Variants in NOP53 observed in about 807,000 individuals in gnomAD.
The protein encoded by NOP53 is ribosome biogenesis protein NOP53.
A neutral mutation model predicts 61.0 loss-of-function variants in NOP53; 40 were observed. The ratio of observed to expected loss-of-function variants is 0.66; its 90% CI spans 0.51 to 0.85. The LOEUF is 0.85. Ranked by LOEUF, NOP53 falls within the 40% of genes least tolerant of loss-of-function variation. The pLI is 0.00. For synonymous variants in NOP53, 308 were observed against 289.5 expected (o/e 1.06, Z -0.65); for missense variants, 689 against 652.9 (o/e 1.06, Z -0.60).
intron 10 of NOP53, chr19:47,756,256 A>C: frequency 1.8e-6 from 1 of 560,612 alleles, no homozygotes; most frequent in Non-Finnish European, 3.2e-6. Flanking sequence ...TCTCCCTCTG[A>C]TCCAGCCTTT....
chr19:47,756,271 T>C (rs535869351), intron 10 of NOP53: 19 of 569,820 alleles, frequency 3.3e-5, no homozygotes, highest in Non-Finnish European at 5.3e-5. Context: ...GCCTTTGCCC[T>C]CGCTGTCCCC....
chr19:47,755,448 T>C lies in NOP53; in HGVS notation c.1154T>C (p.Leu385Pro). The C allele has an allele frequency of 6.6e-7, 1 of 1,518,664 alleles. No homozygotes were observed. The highest frequency in any genetic ancestry group is 2.5e-5 in the East Asian group (1 of 39,436). The allele number at this position is 1,518,664 out of a possible 1,614,324, so 94.1% of individuals were successfully genotyped here. A position where few individuals can be genotyped will look rare whatever the true frequency, so the allele number is the denominator to read the frequency against. Residue 385 changes from leucine (L) to proline (P), a missense_variant, in exon 9 of 13, where the codon CTG becomes CCG. Transcript: ENST00000246802. ...CAGGTGGCCCTGAGGCTGGCGGAGC[T>C]GGCGCGGCGGCAGAGGCGGCGGCAG... ...KAQVALRLAE[L>P]ARRQRRRQAR...
In NOP53 at chr19:47,754,232, A is replaced by G; in HGVS notation, c.766-295A>G. On this transcript the variant is annotated intron_variant, in intron 6 of 12. Transcript: ENST00000246802. The surrounding 1 kb of genome is among the most constrained non-coding windows in gnomAD (Gnocchi z 4.2). ...GCGGGGGTTGTGGTGAGCTGAGATCACACCATTGCACTCCAGTCTGGGCAA... is the reference window on the plus strand; with the variant it reads ...GCGGGGGTTGTGGTGAGCTGAGATCGCACCATTGCACTCCAGTCTGGGCAA... The G allele has an allele frequency of 2.7e-6, 1 of 370,552 alleles. No homozygotes were observed. Among genetic ancestry groups the G allele is most frequent in the Non-Finnish European group, 4.9e-6 (1 of 202,248 alleles). 23.0% of individuals were successfully genotyped at this position (370,552 alleles called of 1,614,324 possible).
At position 47,746,998 on chromosome 19, in the gene NOP53, CTCT is replaced by C. The variant is rs1568597569; in HGVS notation, c.262_264del (p.Phe88del). On this transcript the variant is annotated inframe_deletion, in exon 2 of 13. Coordinates refer to ENST00000246802, the MANE Select transcript of NOP53 (RefSeq NM_015710.5). Reference sequence around the variant, plus strand: ...GTTGTCAGAGGCCCCAAATGAAAAACTCTTCTTCGTGGACACTGGCTCCAAGGA... The same window carrying C: ...GTTGTCAGAGGCCCCAAATGAAAAACTCTTCGTGGACACTGGCTCCAAGGA... The C allele has an allele frequency of 6.2e-7, 1 of 1,613,888 alleles. No homozygotes were observed. Among genetic ancestry groups the C allele is most frequent in the South Asian group, 1.1e-5 (1 of 91,082 alleles).
rs11538670 is a variant in NOP53, at chr19:47,750,915, G to T, written c.406G>T (p.Ala136Ser). The T allele has an allele frequency of 2.5e-6, 4 of 1,587,956 alleles. No individual in the cohort carries two copies. The highest frequency in any genetic ancestry group is 3.6e-5 in the Admixed American group (2 of 55,490). ...SKVPAPKDVL[A>S]HQVPNAKKLR... ...CCCCCTCTCCCCGACCAGCGTCCTC[G>T]CCCACCAGGTCCCCAACGCCAAGAA... Residue 136 changes from alanine (A) to serine (S), a missense_variant, in exon 4 of 13, where the codon GCC becomes TCC. By Grantham distance (99) the Ala-to-Ser change is moderately conservative. Transcript: ENST00000246802.
Position 47,755,825 on chromosome 19 carries a change from G to A in NOP53, c.1296+3G>A, listed in dbSNP as rs1286367880. 3.1e-6 allele frequency: 5 copies of A among 1,605,904 alleles called. No individual in the cohort carries two copies. Among genetic ancestry groups the A allele is most frequent in the Middle Eastern group, 1.7e-4 (1 of 5,874 alleles). On this transcript the variant is annotated splice_donor_region_variant and intron_variant, in intron 10 of 12. Transcript: ENST00000246802. ...CAGACTCGCTCAGGACCCTGAAGGT[G>A]CTCACTGTGTCCTGCCGTGGAGCCC...
At chr19:47,752,713 T>TG (rs1967139967) in intron 6 of NOP53, 106 bp downstream of exon 6, 2 of 736,676 alleles carry the variant, frequency 2.7e-6, no homozygotes, top group Non-Finnish European at 2.4e-6. Context: ...CAGACAGCCC[T>TG]GGGCCTGTCC....
chr19:47,756,206 TG>T, intron 10 of NOP53: 1 of 520,820 alleles, frequency 1.9e-6, no homozygotes, highest in East Asian at 3.2e-5. Flanking sequence ...GACCCGGCCG[TG>T]GGGCTCCAGC....
chr19:47,753,543 C>G (rs180851131), intron 6 of NOP53: 4 of 152,042 alleles, frequency 2.6e-5, no homozygotes, highest in Non-Finnish European at 1.5e-5. Context: ...TTGTCCGAAT[C>G]GTTTTCAGCA....
In NOP53 at chr19:47,754,518, G is replaced by A. The variant is rs1172039551; in HGVS notation, c.766-9G>A. On this transcript the variant is annotated splice_polypyrimidine_tract_variant and intron_variant, in intron 6 of 12. Transcript: ENST00000246802. This position sits in a 1 kb window ranked among gnomAD's most constrained non-coding sequence, Gnocchi z 4.2. Reference sequence around the variant, plus strand: ...GGTTCAGGGACCCATCCTCACTCCCGCCCCTCAGACCCTGCTCTCAGCGGC... The same window carrying A: ...GGTTCAGGGACCCATCCTCACTCCCACCCCTCAGACCCTGCTCTCAGCGGC... The A allele has an allele frequency of 1.7e-5, 27 of 1,543,876 alleles. No homozygotes were observed. The highest frequency in any genetic ancestry group is 2.4e-5 in the East Asian group (1 of 40,918).
chr19:47,745,645 C>T lies in NOP53; in HGVS notation c.86C>T (p.Ser29Leu), dbSNP rs773442060. The T allele has an allele frequency of 3.7e-6, 6 of 1,613,852 alleles. No homozygotes were observed. In the East Asian group the frequency reaches 8.9e-5, roughly 24 times the overall value. ...GGTTTCCTGGGGCTGCGGCCCACTTCGGTGGACCCAGCGCTGAGGCGGCGG... is the reference window on the plus strand; with the variant it reads ...GGTTTCCTGGGGCTGCGGCCCACTTTGGTGGACCCAGCGCTGAGGCGGCGG... ...DSGFLGLRPTSVDPALRRRRR... is the reference protein window; with the variant it reads ...DSGFLGLRPTLVDPALRRRRR... Residue 29 changes from serine (S) to leucine (L), a missense_variant, in exon 1 of 13, where the codon TCG becomes TTG. Coordinates refer to ENST00000246802, the MANE Select transcript of NOP53 (RefSeq NM_015710.5).
At chr19:47,750,419 G>A (rs1967110549) in intron 3 of NOP53, 133 bp downstream of exon 3, 1 of 635,790 alleles carries the variant, frequency 1.6e-6, no homozygotes, top group South Asian at 1.8e-5. Flanking sequence ...TCGGAGTGCA[G>A]ATTAGAGGGA....
intron 10 of NOP53, chr19:47,756,310 C>A (rs770488548): frequency 2.0e-5 from 12 of 587,998 alleles, no homozygotes; most frequent in African/African-American, 1.9e-4. Context: ...GCCCACTTCC[C>A]GTGACTCCTC....
At chr19:47,751,160 TTG>T in intron 4 of NOP53, 53 bp downstream of exon 4, 1 of 1,463,212 alleles carries the variant, frequency 6.8e-7, no homozygotes. Context: ...CATGTGCAGT[TTG>T]TGTGTGTTGT....
At position 47,754,244 on chromosome 19, in the gene NOP53, T is replaced by A. The variant is rs571854646; in HGVS notation, c.766-283T>A. 1 of 417,584 alleles carries A rather than the reference T, an allele frequency of 2.4e-6. No individual in the cohort carries two copies. Among genetic ancestry groups the A allele is most frequent in the Non-Finnish European group, 4.4e-6 (1 of 229,062 alleles). 25.9% of individuals were successfully genotyped at this position (417,584 alleles called of 1,614,324 possible). A position where few individuals can be genotyped will look rare whatever the true frequency, so the allele number is the denominator to read the frequency against. On this transcript the variant is annotated intron_variant, in intron 6 of 12. Transcript: ENST00000246802. The surrounding 1 kb of genome is among the most constrained non-coding windows in gnomAD (Gnocchi z 4.2). ...GTGAGCTGAGATCACACCATTGCAC[T>A]CCAGTCTGGGCAACAAGACAGAAAC... is the stretch of plus-strand genomic sequence containing the variant.
intron 10 of NOP53, 171 bp downstream of exon 10, chr19:47,755,993 G>A: frequency 3.3e-6 from 2 of 606,160 alleles, no homozygotes; most frequent in South Asian, 3.9e-5. Flanking sequence ...CCAGGGTGAG[G>A]GGCCAGGCTA....
chr19:47,746,826 GT>G (rs1412744085), intron 1 of NOP53, 140 bp from the exon 2 acceptor site: 4 of 669,950 alleles, frequency 6.0e-6, no homozygotes, highest in Non-Finnish European at 1.0e-5. Context: ...ACTAAGTTCT[GT>G]AAACTGCTGG....
Position 47,757,013 on chromosome 19 carries a change from C to T in NOP53, c.*8C>T, listed in dbSNP as rs750820406. ...TCTGTCCCCAGGTTGTAGCTGCCAT[C>T]AGATGCCGGAGACTCGCCCTTCAAT... On this transcript the variant is annotated 3_prime_UTR_variant, in exon 13 of 13. Transcript: ENST00000246802. 1.2e-6 allele frequency: 2 copies of T among 1,614,062 alleles called. No individual in the cohort carries two copies. Among genetic ancestry groups the T allele is most frequent in the East Asian group, 4.5e-5 (2 of 44,878 alleles).
At position 47,756,607 on chromosome 19, in the gene NOP53, A is replaced by G. The variant is rs201572811; in HGVS notation, c.1373+3A>G. The G allele has an allele frequency of 1.8e-3, 2,937 of 1,613,874 alleles. 4 individuals are homozygous for G. Among genetic ancestry groups the G allele is most frequent in the Non-Finnish European group, 2.1e-3 (2,437 of 1,179,836 alleles). ...ATCGAGCCTCGAGAGAGAGCCAAGT[A>G]AGGGGCGGCCGGGGCTGCTGTGGGG... On this transcript the variant is annotated splice_donor_region_variant and intron_variant, in intron 11 of 12. Transcript: ENST00000246802.
Sources: allele counts gnomAD v4.1 joint callset, GRCh38; gene constraint gnomAD v4.1.1; non-coding constraint Gnocchi (gnomAD v3.1); transcripts MANE v1.5; gene names NCBI Gene and HGNC (gene_info 2026-07-23, HGNC 2026-07-21).